FAM13A: variants seen among roughly 807,000 people sequenced by gnomAD.
FAM13A encodes family with sequence similarity 13 member A.
A neutral mutation model predicts 129.6 loss-of-function variants in FAM13A; 76 were observed. That is an observed-to-expected ratio of 0.59 (90% CI 0.49 to 0.71). The LOEUF (loss-of-function observed/expected upper bound fraction) is 0.71. FAM13A is among the 30% of genes least tolerant of loss of function. The pLI is 0.00. For synonymous variants in FAM13A, 443 were observed against 449.9 expected (o/e 0.98, Z 0.20); for missense variants, 1,108 against 1,249.3 (o/e 0.89, Z 1.70).
At chr4:88,885,358 A>T (rs1176199082) in intron 6 of FAM13A, among the ~76,000 whole-genome samples, 1 of 152,048 alleles carries the variant, frequency 6.6e-6, no homozygotes, top group Middle Eastern at 3.2e-3. Context: ...AATAATGCCA[A>T]ATACAGCCAA....
At chr4:88,822,349 T>TC (rs1187907719) in intron 7 of FAM13A, among the ~76,000 whole-genome samples, 3 of 151,742 alleles carry the variant, frequency 2.0e-5, no homozygotes, top group Non-Finnish European at 4.4e-5. Context: ...CTCCTTCGCC[T>TC]CCCCCCAGAC....
At chr4:88,774,518 T>G (rs1286590646) in intron 11 of FAM13A, among the ~76,000 whole-genome samples, 1 of 152,098 alleles carries the variant, frequency 6.6e-6, no homozygotes, top group East Asian at 1.9e-4. Context: ...GGTCATGTGG[T>G]TTTTTAACAG....
intron 7 of FAM13A, among the ~76,000 whole-genome samples, chr4:88,846,572 A>G (rs1393164545): frequency 7.9e-5 from 12 of 152,260 alleles, no homozygotes; most frequent in Non-Finnish European, 1.8e-4. Flanking sequence ...TGGCTTAATA[A>G]CAATGGCTAT....
intron 7 of FAM13A, among the ~76,000 whole-genome samples, chr4:88,817,650 T>C (rs1731037411): frequency 6.6e-6 from 1 of 152,188 alleles, no homozygotes; most frequent in South Asian, 2.1e-4. Flanking sequence ...TACTATTCCA[T>C]TGGGAATCCA....
At chr4:88,865,057 T>C (rs1018051663) in intron 6 of FAM13A, among the ~76,000 whole-genome samples, 1 of 152,198 alleles carries the variant, frequency 6.6e-6, no homozygotes, top group Non-Finnish European at 1.5e-5. Flanking sequence ...ATTGGATTCC[T>C]TGGGACATAT....
At chr4:88,855,762 T>A (rs1214101905) in intron 6 of FAM13A, 1 of 151,890 alleles carries the variant, frequency 6.6e-6, no homozygotes, top group African/African-American at 2.4e-5. Flanking sequence ...TAAATTAATG[T>A]GACTGAAAAT....
chr4:88,856,366 C>T (rs772974385), intron 6 of FAM13A, among the ~76,000 whole-genome samples: 2 of 151,926 alleles, frequency 1.3e-5, no homozygotes, highest in African/African-American at 2.4e-5. Flanking sequence ...CACCTGTAGT[C>T]CCAACTACTT....
intron 6 of FAM13A, chr4:88,855,814 T>C (rs1320904339): frequency 1.3e-5 from 2 of 152,206 alleles, no homozygotes; most frequent in Admixed American, 1.3e-4. Context: ...TTAATTTTTA[T>C]ACATTGCCAT....
chr4:88,993,326 T>C (rs1310948506), intron 3 of FAM13A, among the ~76,000 whole-genome samples: 6 of 152,238 alleles, frequency 3.9e-5, no homozygotes, highest in East Asian at 1.9e-4. Context: ...TTTTTTATGG[T>C]GACTAATTCA....
At chr4:88,926,349 T>A (rs538945251) in intron 5 of FAM13A, among the ~76,000 whole-genome samples, 2 of 152,278 alleles carry the variant, frequency 1.3e-5, no homozygotes, top group East Asian at 3.9e-4. Context: ...ACATAAGTGA[T>A]CTTTAAAAAC....
At chr4:88,921,500 T>C (rs868279803) in intron 5 of FAM13A, among the ~76,000 whole-genome samples, 5 of 152,044 alleles carry the variant, frequency 3.3e-5, no homozygotes, top group South Asian at 2.1e-4. Context: ...CAAGCAAATG[T>C]TGAGAGATTT....
intron 3 of FAM13A, among the ~76,000 whole-genome samples, chr4:88,992,858 T>G (rs1017878616): frequency 6.6e-6 from 1 of 152,184 alleles, no homozygotes; most frequent in African/African-American, 2.4e-5. Flanking sequence ...AGAATAAAAA[T>G]GTAATTCAGT....
Position 88,726,868 on chromosome 4 carries a change from C to T in FAM13A, c.*1665G>A, listed in dbSNP as rs1452216618. 1 of 152,634 alleles carries T rather than the reference C, an allele frequency of 6.6e-6. No individual in the cohort carries two copies. Among genetic ancestry groups the T allele is most frequent in the Non-Finnish European group, 1.5e-5 (1 of 68,030 alleles). The allele number at this position is 152,634 out of a possible 1,614,324, so 9.5% of individuals were successfully genotyped here. On this transcript the variant is annotated 3_prime_UTR_variant, in exon 24 of 24. Coordinates refer to ENST00000264344, the MANE Select transcript of FAM13A (RefSeq NM_014883.4). ...GATTAAAACCAGGGCACTTCCAACA[C>T]ATAGCTCAAGCTTCCATACGATTAA...
At chr4:89,020,127 A>ATGT (rs1767042836) in intron 3 of FAM13A, among the ~76,000 whole-genome samples, 1 of 152,302 alleles carries the variant, frequency 6.6e-6, no homozygotes, top group East Asian at 1.9e-4. Flanking sequence ...GGTATTTCAT[A>ATGT]ATCAGTCTAG....
chr4:88,758,004 G>A (rs917481037), intron 14 of FAM13A, among the ~76,000 whole-genome samples: 3 of 152,134 alleles, frequency 2.0e-5, no homozygotes, highest in African/African-American at 7.2e-5. Flanking sequence ...GAGGTAGACT[G>A]GCATTTATTT....
chr4:88,760,654 G>A lies in FAM13A; in HGVS notation c.1579-1753C>T, dbSNP rs960380242. Among the ~76,000 whole-genome samples, 35 of 148,640 alleles carry A rather than the reference G, an allele frequency of 2.4e-4. 1 individual carries two copies. The highest frequency in any genetic ancestry group is 6.0e-4 in the Admixed American group (9 of 15,046). ...AAAAGAAATGCCAAGTATATCTGGA[G>A]ATTTAAGATAGTTTAAAAATGCAGT... On this transcript the variant is annotated intron_variant, in intron 13 of 23. Transcript: ENST00000264344.
At chr4:88,895,765 A>C (rs1211005380) in intron 6 of FAM13A, among the ~76,000 whole-genome samples, 1 of 90,486 alleles carries the variant, frequency 1.1e-5, no homozygotes, top group East Asian at 3.0e-4. Flanking sequence ...AAAAGTCAGG[A>C]AACAACAGGT....
At chr4:88,768,467 CTATCTATA>C in intron 11 of FAM13A, 1 of 162,750 alleles carries the variant, frequency 6.1e-6, no homozygotes. Context: ...CTCTATCTAT[CTATCTATA>C]TAAGAACGTA....
chr4:88,856,932 C>T (rs1046672352), intron 6 of FAM13A, among the ~76,000 whole-genome samples: 1 of 152,132 alleles, frequency 6.6e-6, no homozygotes, highest in Non-Finnish European at 1.5e-5. Context: ...CACAAAAACT[C>T]CAAATCATAA....
Sources: allele counts gnomAD v4.1 joint callset (sites outside exome capture counted in the v4.1 genomes callset), GRCh38; gene constraint gnomAD v4.1.1; transcripts MANE v1.5; gene names NCBI Gene and HGNC (gene_info 2026-07-23, HGNC 2026-07-21).